ATAD2B: variants seen among roughly 807,000 people sequenced by gnomAD.
The protein encoded by ATAD2B is ATPase family AAA domain-containing protein 2B.
A neutral mutation model predicts 167.6 loss-of-function variants in ATAD2B; 40 were observed. That is an observed-to-expected ratio of 0.24 (90% confidence interval 0.19 to 0.31). The LOEUF is 0.31. Among genes scored for constraint, ATAD2B ranks in the 10% least tolerant of loss-of-function variants. ATAD2B has a pLI of 1.00. For synonymous variants in ATAD2B, 579 were observed against 596.5 expected (o/e 0.97, Z 0.43); for missense variants, 1,242 against 1,757.2 (o/e 0.71, Z 5.24).
At chr2:23,811,014 AAAACAAAC>A (rs139327555) in intron 17 of ATAD2B, among the ~76,000 whole-genome samples, 117 of 150,798 alleles carry the variant, frequency 7.8e-4, no homozygotes, top group East Asian at 3.5e-3. Context: ...TCCATCTCAA[AAAACAAAC>A]AAACAAACAA....
the ATAD2B span, chr2:23,706,785 G>A: frequency 2.7e-4 from 173 of 643,736 alleles, 1 homozygote; most frequent in Admixed American, 5.1e-3. Flanking sequence ...AACTCACTGC[G>A]CTCAACATGT....
chr2:23,907,904 A>C (rs979769976), intron 1 of ATAD2B, among the ~76,000 whole-genome samples: 9 of 152,216 alleles, frequency 5.9e-5, no homozygotes, highest in Non-Finnish European at 1.3e-4. Flanking sequence ...TTCCCTATTT[A>C]ATAAATGGTG....
chr2:23,834,395 C>G (rs1043189001), intron 13 of ATAD2B, among the ~76,000 whole-genome samples: 1 of 151,820 alleles, frequency 6.6e-6, no homozygotes, highest in African/African-American at 2.4e-5. Flanking sequence ...CTCCTGACCT[C>G]AGGCAATCCA....
At chr2:23,706,616 G>A in the ATAD2B span, 1 of 1,536,722 alleles carries the variant, frequency 6.5e-7, no homozygotes, top group Non-Finnish European at 8.7e-7. Flanking sequence ...CCTGCCCTGT[G>A]TTCAGACACG....
intron 18 of ATAD2B, 37 bp from the exon 19 acceptor site, chr2:23,798,360 A>T (rs1431416711): frequency 6.7e-7 from 1 of 1,486,020 alleles, no homozygotes; most frequent in South Asian, 1.3e-5. Context: ...AACAACTCAA[A>T]TTGATTATTC....
intron 18 of ATAD2B, among the ~76,000 whole-genome samples, chr2:23,800,304 T>C (rs960071966): frequency 7.9e-5 from 12 of 152,124 alleles, no homozygotes; most frequent in African/African-American, 2.9e-4. Flanking sequence ...AGCTACCACA[T>C]ACATGCCCAG....
At chr2:23,772,143 A>C (rs1465556169) in intron 22 of ATAD2B, among the ~76,000 whole-genome samples, 1 of 149,724 alleles carries the variant, frequency 6.7e-6, no homozygotes, top group African/African-American at 2.5e-5. Context: ...TTTTTTTTTC[A>C]TTGTGTCATG....
At chr2:23,926,511 G>A (rs1218965531) in intron 1 of ATAD2B, 44 bp downstream of exon 1, 4 of 1,527,356 alleles carry the variant, frequency 2.6e-6, no homozygotes, top group Middle Eastern at 2.1e-4. Context: ...CGGCAGCAGG[G>A]CCGGCACTTC....
At chr2:23,706,785 G>C in the ATAD2B span, 1 of 643,618 alleles carries the variant, frequency 1.6e-6, no homozygotes, top group East Asian at 3.0e-5. Context: ...AACTCACTGC[G>C]CTCAACATGT....
At chr2:23,860,814 T>C (rs1420957432) in intron 12 of ATAD2B, among the ~76,000 whole-genome samples, 1 of 151,980 alleles carries the variant, frequency 6.6e-6, no homozygotes, top group Non-Finnish European at 1.5e-5. Flanking sequence ...GTACTAAAAA[T>C]ACAAAAATTA....
chr2:23,772,246 A>G (rs892855282), intron 22 of ATAD2B, among the ~76,000 whole-genome samples: 15 of 152,196 alleles, frequency 9.9e-5, no homozygotes, highest in Admixed American at 8.5e-4. Context: ...ACTCTTTGAA[A>G]ACCAAACTTT....
Position 23,880,732 on chromosome 2 carries a change from T to C in ATAD2B, c.808A>G (p.Ile270Val). ...EEESQEEDGD[I>V]EVEEAEGEEN... ...TCTCCTTCTGCCTCTTCAACTTCTA[T>C]ATCTCCATCCTCCTCTTGAGATTCT... Residue 270 changes from isoleucine to valine, a missense_variant, in exon 7 of 28, where the codon ATA becomes GTA. Physicochemically the swap from Ile to Val is conservative, Grantham distance 29. Coordinates refer to ENST00000238789, the MANE Select transcript of ATAD2B (RefSeq NM_017552.4). 6.2e-7 allele frequency: 1 copy of C among 1,604,816 alleles called. No homozygotes were observed. The highest frequency in any genetic ancestry group is 8.5e-7 in the Non-Finnish European group (1 of 1,173,526).
At chr2:23,687,284 T>G in the ATAD2B span, among the ~76,000 whole-genome samples, 1 of 152,164 alleles carries the variant, frequency 6.6e-6, no homozygotes, top group Non-Finnish European at 1.5e-5. Context: ...GATCCCTCCC[T>G]GCTGTCCCCG....
At chr2:23,803,299 G>A (rs1190224966) in intron 18 of ATAD2B, among the ~76,000 whole-genome samples, 1 of 149,788 alleles carries the variant, frequency 6.7e-6, no homozygotes, top group African/African-American at 2.5e-5. Context: ...GAAATGCTCA[G>A]TAACATATGT....
At chr2:23,738,607 A>G in the ATAD2B span, among the ~76,000 whole-genome samples, 1 of 152,362 alleles carries the variant, frequency 6.6e-6, no homozygotes, top group African/African-American at 2.4e-5. Context: ...GCCAAATTGT[A>G]AAGAGCATCA....
At chr2:23,713,416 G>A in the ATAD2B span, among the ~76,000 whole-genome samples, 58 of 141,992 alleles carry the variant, frequency 4.1e-4, 1 homozygote, top group Non-Finnish European at 1.5e-4. Flanking sequence ...TTTTTTTTAA[G>A]TAACAGCTTT....
intron 8 of ATAD2B, among the ~76,000 whole-genome samples, chr2:23,870,220 AAAGG>A (rs1485828091): frequency 6.6e-6 from 1 of 151,588 alleles, no homozygotes; most frequent in African/African-American, 2.4e-5. Flanking sequence ...AAAAAAAAAA[AAAGG>A]AGAATAGAAA....
intron 13 of ATAD2B, 28 bp downstream of exon 13, chr2:23,857,387 T>A (rs575497878): frequency 3.1e-6 from 4 of 1,302,582 alleles, no homozygotes; most frequent in South Asian, 2.9e-5. Flanking sequence ...AAAAAAGAAA[T>A]CAAGATAATC....
chr2:23,815,079 G>T (rs1000266623), intron 17 of ATAD2B, among the ~76,000 whole-genome samples: 3 of 151,686 alleles, frequency 2.0e-5, no homozygotes, highest in Non-Finnish European at 4.4e-5. Flanking sequence ...AAAAAGTTTG[G>T]AATGTGTACT....
Sources: gnomAD v4.1 joint callset for allele counts (sites outside exome capture counted in the v4.1 genomes callset) on GRCh38, gnomAD v4.1.1 for gene constraint, MANE v1.5 for transcripts, NCBI Gene and HGNC (gene_info 2026-07-23, HGNC 2026-07-21) for gene names.